PDE10A: variants seen among roughly 807,000 people sequenced by gnomAD.
The protein encoded by PDE10A is cAMP and cAMP-inhibited cGMP 3',5'-cyclic phosphodiesterase 10A.
A neutral mutation model predicts 97.7 loss-of-function variants in PDE10A; 39 were observed. The ratio of observed to expected loss-of-function variants is 0.40; its 90% CI spans 0.31 to 0.52. PDE10A has a LOEUF of 0.52. Ranked by LOEUF, PDE10A falls within the 20% of genes least tolerant of loss-of-function variation. PDE10A has a pLI of 0.56. For synonymous variants in PDE10A, 371 were observed against 376.8 expected (o/e 0.98, Z 0.18); for missense variants, 731 against 1,047.8 (o/e 0.70, Z 4.17).
At chr6:165,474,344 T>A (rs576119101) in intron 3 of PDE10A, among the ~76,000 whole-genome samples, 3 of 152,238 alleles carry the variant, frequency 2.0e-5, no homozygotes, top group Admixed American at 6.5e-5. Flanking sequence ...AGAAATAACA[T>A]ACAAGATACA....
chr6:165,878,545 T>C (rs192403545), intron 1 of PDE10A, among the ~76,000 whole-genome samples: 2 of 152,324 alleles, frequency 1.3e-5, no homozygotes, highest in East Asian at 3.9e-4. Context: ...ATGTGACATA[T>C]GCAGACATCT....
At chr6:165,801,404 G>A (rs928595772) in intron 1 of PDE10A, among the ~76,000 whole-genome samples, 3 of 152,162 alleles carry the variant, frequency 2.0e-5, no homozygotes, top group Admixed American at 1.3e-4. Context: ...AATTAGCAAG[G>A]CATGGTGGTA....
At chr6:165,646,728 C>A (rs938803067) in intron 1 of PDE10A, among the ~76,000 whole-genome samples, 1 of 152,138 alleles carries the variant, frequency 6.6e-6, no homozygotes, top group Non-Finnish European at 1.5e-5. Context: ...AACACAGTTC[C>A]GGGATGAGAA....
rs1310686645 is a variant in PDE10A, at chr6:165,728,867, T to C, written c.-614-185299A>G. Among the ~76,000 whole-genome samples the C allele has an allele frequency of 5.9e-5, 9 of 152,300 alleles. No individual in the cohort carries two copies. In the East Asian group the frequency reaches 9.6e-4, roughly 16 times the overall value. ...CTTCTCAGTTTTTGAGACTTTGCTT[T>C]ACTGCCTAATTTATATTATGTAAGA... On this transcript the variant is annotated intron_variant, in intron 1 of 19. Transcript: ENST00000366882.
chr6:165,862,881 T>C (rs113243540), intron 1 of PDE10A, among the ~76,000 whole-genome samples: 17 of 152,162 alleles, frequency 1.1e-4, no homozygotes, highest in African/African-American at 2.9e-4. Context: ...GATTTTACCC[T>C]GTTGGCCAGG....
intron 1 of PDE10A, among the ~76,000 whole-genome samples, chr6:165,902,426 T>C (rs1356059383): frequency 1.3e-5 from 2 of 152,228 alleles, no homozygotes; most frequent in South Asian, 2.1e-4. Context: ...TTTATCCCAA[T>C]TGGTGGGTTG....
intron 1 of PDE10A, among the ~76,000 whole-genome samples, chr6:165,880,284 G>A (rs1340351114): frequency 6.6e-6 from 1 of 152,132 alleles, no homozygotes; most frequent in Non-Finnish European, 1.5e-5. Context: ...CAACAATAAT[G>A]TATTTGAATT....
At chr6:165,617,588 G>A (rs755688124) in intron 1 of PDE10A, among the ~76,000 whole-genome samples, 5 of 152,114 alleles carry the variant, frequency 3.3e-5, no homozygotes, top group Non-Finnish European at 5.9e-5. Flanking sequence ...TCGTTGGGGA[G>A]GTGCTTGTTG....
chr6:165,935,005 C>T (rs1783276964), intron 1 of PDE10A, among the ~76,000 whole-genome samples: 1 of 152,152 alleles, frequency 6.6e-6, no homozygotes, highest in African/African-American at 2.4e-5. Flanking sequence ...AAGTGTTAGG[C>T]ACTGCTTCCA....
rs142190684 is a variant in PDE10A, at chr6:165,757,665, C to T, written c.-614-214097G>A. 4.9e-4 allele frequency among the ~76,000 whole-genome samples: 74 copies of T among 152,232 alleles called. 1 individual carries two copies. The East Asian group carries it at 0.012, about 25-fold the overall frequency. Reference sequence around the variant, plus strand: ...TTGTGTATTTGTATCTATTTCTGGACTTTCTAATCTGTTGCATTGATTTAT... The same window carrying T: ...TTGTGTATTTGTATCTATTTCTGGATTTTCTAATCTGTTGCATTGATTTAT... On this transcript the variant is annotated intron_variant, in intron 1 of 19. Transcript: ENST00000366882.
intron 1 of PDE10A, among the ~76,000 whole-genome samples, chr6:165,762,092 C>T (rs961325327): frequency 3.3e-5 from 5 of 152,168 alleles, no homozygotes; most frequent in Non-Finnish European, 7.3e-5. Context: ...TGAAACTCAC[C>T]AGATTGCTAC....
intron 1 of PDE10A, among the ~76,000 whole-genome samples, chr6:165,567,994 ATTTTTTTTT>A (rs386409260): frequency 2.3e-5 from 3 of 130,646 alleles, no homozygotes; most frequent in Admixed American, 1.6e-4. Flanking sequence ...GCAACAAGGC[ATTTTTTTTT>A]TTTTTTTTTT....
chr6:165,946,195 G>A (rs1175797308), intron 1 of PDE10A, among the ~76,000 whole-genome samples: 3 of 152,180 alleles, frequency 2.0e-5, no homozygotes, highest in Non-Finnish European at 2.9e-5. Context: ...AGTGACTATA[G>A]TTAATAAGAA....
At chr6:165,919,689 C>G (rs187512629) in intron 1 of PDE10A, among the ~76,000 whole-genome samples, 2 of 152,334 alleles carry the variant, frequency 1.3e-5, no homozygotes, top group Admixed American at 6.5e-5. Flanking sequence ...CCTGGATAGG[C>G]CTGCTGTCTG....
rs1048228993 is a variant in PDE10A, at chr6:165,329,168, T to G, written c.*3857A>C. The G allele has an allele frequency of 1.3e-5, 2 of 152,222 alleles. No individual in the cohort carries two copies. Among genetic ancestry groups the G allele is most frequent in the African/African-American group, 2.4e-5 (1 of 41,464 alleles). 9.4% of individuals were successfully genotyped at this position (152,222 alleles called of 1,614,324 possible). On this transcript the variant is annotated 3_prime_UTR_variant, in exon 22 of 22. Transcript: ENST00000539869. ...AAGAGAGAAGTGATTTTAAAAATCA[T>G]GCTTAGGTACCTGAAACCCCCCAAA... is the stretch of plus-strand genomic sequence containing the variant.
At chr6:165,787,441 T>A (rs1232853000) in intron 1 of PDE10A, among the ~76,000 whole-genome samples, 1 of 152,098 alleles carries the variant, frequency 6.6e-6, no homozygotes. Context: ...ACTGAAGGCA[T>A]GAATAAATGA....
Position 165,772,838 on chromosome 6 carries a change from C to T in PDE10A, c.-615+214691G>A, listed in dbSNP as rs529694574. 5.9e-5 allele frequency among the ~76,000 whole-genome samples: 9 copies of T among 152,248 alleles called. No individual in the cohort carries two copies. In the East Asian group the frequency reaches 1.5e-3, roughly 26 times the overall value. Reference sequence around the variant, plus strand: ...AGCAACAATGTAGCATTTGGAAGTACACATTAGGAAATGGACTAACAGCCT... The same window carrying T: ...AGCAACAATGTAGCATTTGGAAGTATACATTAGGAAATGGACTAACAGCCT... On this transcript the variant is annotated intron_variant, in intron 1 of 19. Coordinates refer to the PDE10A transcript ENST00000366882.
intron 1 of PDE10A, among the ~76,000 whole-genome samples, chr6:165,796,392 T>A (rs1325969035): frequency 6.6e-6 from 1 of 152,186 alleles, no homozygotes; most frequent in East Asian, 1.9e-4. Flanking sequence ...GGCCTGCACA[T>A]CTTTTCTCAG....
chr6:165,337,523 T>C (rs1264139414), intron 20 of PDE10A, among the ~76,000 whole-genome samples: 2 of 152,246 alleles, frequency 1.3e-5, no homozygotes, highest in Non-Finnish European at 2.9e-5. Flanking sequence ...TTTCTTATTC[T>C]AATATTTAAC....
Sources: allele counts gnomAD v4.1 joint callset (sites outside exome capture counted in the v4.1 genomes callset), GRCh38; gene constraint gnomAD v4.1.1; transcripts MANE v1.5; gene names NCBI Gene and HGNC (gene_info 2026-07-23, HGNC 2026-07-21).